Variants in DNAH9 observed in about 807,000 individuals in gnomAD.
DNAH9 encodes DNAH9 variant protein.
A neutral mutation model predicts 471.6 loss-of-function variants in DNAH9; 345 were observed. The ratio of observed to expected loss-of-function variants is 0.73; its 90% CI spans 0.67 to 0.80. The LOEUF (loss-of-function observed/expected upper bound fraction) is 0.80. DNAH9 is among the 30% of genes least tolerant of loss of function. The probability of loss-of-function intolerance (pLI) is 0.00; values close to 1 mark genes in which losing one functional copy is unlikely to be tolerated. For missense variants in DNAH9, 5,407 were observed against 5,609.2 expected, an observed-to-expected ratio of 0.96 and a Z score of 1.15; for synonymous variants, 2,093 against 2,123.6, an observed-to-expected ratio of 0.99 and a Z score of 0.40.
At chr17:11,802,395 A>G (rs1969496148) in intron 43 of DNAH9, among the ~76,000 whole-genome samples, 1 of 152,142 alleles carries the variant, frequency 6.6e-6, no homozygotes, top group Non-Finnish European at 1.5e-5. Context: ...TGGGAGACCA[A>G]GGCGGGATGG....
intron 49 of DNAH9, among the ~76,000 whole-genome samples, chr17:11,847,248 G>A (rs1181449382): frequency 3.0e-4 from 46 of 152,108 alleles, no homozygotes; most frequent in African/African-American, 1.1e-3. Flanking sequence ...TTTTGTCACA[G>A]TTGCTTTTGG....
intron 5 of DNAH9, among the ~76,000 whole-genome samples, chr17:11,619,176 G>A (rs1010153564): frequency 1.3e-5 from 2 of 152,134 alleles, no homozygotes; most frequent in African/African-American, 4.8e-5. Context: ...GCCTCTTCGA[G>A]ACAGAAAAAT....
At chr17:11,819,127 A>G (rs1200833218) in intron 45 of DNAH9, among the ~76,000 whole-genome samples, 2 of 152,082 alleles carry the variant, frequency 1.3e-5, no homozygotes, top group Non-Finnish European at 2.9e-5. Context: ...ACTTGAAGTG[A>G]CAGCCAAGCA....
intron 14 of DNAH9, among the ~76,000 whole-genome samples, chr17:11,662,747 CTTTTTT>C: frequency 2.2e-5 from 1 of 45,464 alleles, no homozygotes; most frequent in South Asian, 1.8e-3. Context: ...TTGAGGCTCG[CTTTTTT>C]TTTTTTTTTT....
chr17:11,819,162 A>G (rs1025697958), intron 45 of DNAH9, among the ~76,000 whole-genome samples: 3 of 152,090 alleles, frequency 2.0e-5, no homozygotes, highest in Admixed American at 2.0e-4. Flanking sequence ...TTCCCCAGAC[A>G]AAATTCTCAA....
intron 48 of DNAH9, among the ~76,000 whole-genome samples, chr17:11,824,895 C>G (rs1970436071): frequency 6.6e-6 from 1 of 151,930 alleles, no homozygotes; most frequent in Non-Finnish European, 1.5e-5. Context: ...TTCTCCTCCT[C>G]CTTCTCCTCT....
In DNAH9 at chr17:11,690,309, C is replaced by T. The variant is rs370051517; in HGVS notation, c.4487C>T (p.Ser1496Leu). The T allele has an allele frequency of 4.2e-5, 68 of 1,614,006 alleles. No individual in the cohort carries two copies. The Middle Eastern group carries it at 4.9e-4, about 12-fold the overall frequency. The change falls in exon 20 of 69, where the codon TCG becomes TTG. Residue 1496 changes from serine to leucine, a missense_variant. Around this residue, in one of 3 missense-constraint regions of DNAH9, gnomAD observed 4,636 missense variants for 4,900.3 expected, o/e 0.95. Transcript: ENST00000262442. ...KYVAFFLEEV[S>L]GWQKKLSTVD... ...GTTGCTTTCTTCTTGGAGGAGGTGT[C>T]GGGCTGGCAGAAGAAGCTGTCCACA... is the stretch of plus-strand genomic sequence containing the variant.
chr17:11,720,207 CT>C (rs1329570520), intron 27 of DNAH9, among the ~76,000 whole-genome samples: 1 of 149,688 alleles, frequency 6.7e-6, no homozygotes, highest in Admixed American at 6.7e-5. Flanking sequence ...TTCTTTTTTT[CT>C]TTTTTTTCTT....
At chr17:11,673,102 T>C (rs959417507) in intron 17 of DNAH9, among the ~76,000 whole-genome samples, 2 of 152,232 alleles carry the variant, frequency 1.3e-5, no homozygotes, top group African/African-American at 4.8e-5. Flanking sequence ...ACCAGTCTTC[T>C]GACCAGTCCT....
intron 5 of DNAH9, among the ~76,000 whole-genome samples, chr17:11,618,406 T>G (rs1042917085): frequency 6.6e-6 from 1 of 151,986 alleles, no homozygotes; most frequent in African/African-American, 2.4e-5. Flanking sequence ...GCCAACATGG[T>G]GAAACCCCAT....
Position 11,629,450 on chromosome 17 carries a change from C to T in DNAH9, c.1384C>T (p.Leu462=). ...GAAGACGGCCCTGGATTTCCACAAA[C>T]TGGGAAAGGTGGAGTTCAGCGGCGT... ...LLKTALDFHK[L]GKVEFSGVRG... Residue 462 remains leucine, a synonymous_variant, in exon 7 of 69, where the codon CTG becomes TTG. Coordinates refer to ENST00000262442, the MANE Select transcript of DNAH9 (RefSeq NM_001372.4). 1 of 1,614,082 alleles carries T rather than the reference C, an allele frequency of 6.2e-7. No individual in the cohort carries two copies. The highest frequency in any genetic ancestry group is 8.5e-7 in the Non-Finnish European group (1 of 1,179,982).
At chr17:11,854,464 G>C in intron 50 of DNAH9, 36 bp downstream of exon 50, 1 of 1,574,478 alleles carries the variant, frequency 6.4e-7, no homozygotes, top group Non-Finnish European at 8.6e-7. Context: ...CTGCTAGTCC[G>C]CCTCCAATAC....
rs775970356 is a variant in DNAH9 at position 11,747,556 on chromosome 17, G to A, written c.6400G>A (p.Val2134Met). Residue 2134 changes from valine (V) to methionine (M), a missense_variant and splice_region_variant, in exon 32 of 69, where the codon GTG becomes ATG. This residue lies in a region of DNAH9 where 4,636 missense variants were observed against 4,900.3 expected (regional missense o/e 0.95). Transcript: ENST00000262442. ...LQAEDNFVLKVVQLEELLAVR... is the reference protein window; with the variant it reads ...LQAEDNFVLKMVQLEELLAVR... ...CTGGCTGAATTTCCTGCCTCCTCAGGTGGTCCAGCTGGAGGAGCTCCTGGC... is the reference window on the plus strand; with the variant it reads ...CTGGCTGAATTTCCTGCCTCCTCAGATGGTCCAGCTGGAGGAGCTCCTGGC... 40 of 1,612,966 alleles carry A rather than the reference G, an allele frequency of 2.5e-5. No homozygotes were observed. Among genetic ancestry groups the A allele is most frequent in the Non-Finnish European group, 3.1e-5 (36 of 1,179,922 alleles).
chr17:11,965,632 C>G (rs991316328), intron 68 of DNAH9, among the ~76,000 whole-genome samples: 54 of 152,256 alleles, frequency 3.5e-4, no homozygotes, highest in African/African-American at 1.3e-3. Flanking sequence ...TGAGGGGGAT[C>G]AAATATTGGA....
intron 53 of DNAH9, among the ~76,000 whole-genome samples, chr17:11,878,839 G>A (rs1381320010): frequency 6.6e-6 from 1 of 152,064 alleles, no homozygotes; most frequent in African/African-American, 2.4e-5. Flanking sequence ...AAAGTTCTGG[G>A]TTACAGGCAT....
intron 10 of DNAH9, among the ~76,000 whole-genome samples, chr17:11,642,250 T>A (rs1226809669): frequency 6.6e-6 from 1 of 152,028 alleles, no homozygotes; most frequent in Admixed American, 6.5e-5. Flanking sequence ...TTCAAATGTG[T>A]ATTATGGGCC....
rs375801524 is a variant in DNAH9 at position 11,647,997 on chromosome 17, A to C, written c.2097+799A>C. Reference sequence around the variant, plus strand: ...AAATGTGAATAGTGCTGAGGTTGAGAAACTGTTTTAGATGATCAGAAGGAT... The same window carrying C: ...AAATGTGAATAGTGCTGAGGTTGAGCAACTGTTTTAGATGATCAGAAGGAT... On this transcript the variant is annotated intron_variant, in intron 12 of 68. Transcript: ENST00000262442. Among the ~76,000 whole-genome samples the C allele has an allele frequency of 2.6e-4, 40 of 152,322 alleles. 1 individual carries two copies. The South Asian group carries it at 4.1e-3, about 16-fold the overall frequency.
At chr17:11,728,427 A>T (rs1167490958) in intron 28 of DNAH9, among the ~76,000 whole-genome samples, 1 of 151,878 alleles carries the variant, frequency 6.6e-6, no homozygotes, top group Non-Finnish European at 1.5e-5. Context: ...CTTGTCTTTC[A>T]AGTCATCCAG....
chr17:11,783,733 C>G lies in DNAH9; in HGVS notation c.7806C>G (p.Ile2602Met). ...CMNPTAGSFT[I>M]NPRLQRHFSV... Reference sequence around the variant, plus strand: ...ACCCCACGGCAGGCAGCTTCACCATCAACCCCCGGCTTCAGGTACAGGAGG... The same window carrying G: ...ACCCCACGGCAGGCAGCTTCACCATGAACCCCCGGCTTCAGGTACAGGAGG... Residue 2602 changes from isoleucine (I) to methionine (M), a missense_variant, in exon 40 of 69, where the codon ATC becomes ATG. Coordinates refer to ENST00000262442, the MANE Select transcript of DNAH9 (RefSeq NM_001372.4). 1 of 1,614,106 alleles carries G rather than the reference C, an allele frequency of 6.2e-7. No individual in the cohort carries two copies. The highest frequency in any genetic ancestry group is 8.5e-7 in the Non-Finnish European group (1 of 1,179,966).
Sources: allele counts gnomAD v4.1 joint callset (sites outside exome capture counted in the v4.1 genomes callset), GRCh38; gene constraint gnomAD v4.1.1; regional missense constraint gnomAD v4.1.1; transcripts MANE v1.5; gene names NCBI Gene and HGNC (gene_info 2026-07-23, HGNC 2026-07-21).